Variants in GJC1 observed in about 807,000 individuals in gnomAD.
GJC1 encodes gap junction protein gamma 1.
A neutral mutation model predicts 29.3 loss-of-function variants in GJC1; 5 were observed. The observed-to-expected ratio is 0.17, with a 90% CI of 0.09 to 0.36. GJC1 has a LOEUF of 0.36. Among genes scored for constraint, GJC1 ranks in the 10% least tolerant of loss-of-function variants. GJC1 has a pLI of 1.00. For synonymous variants in GJC1, 177 were observed against 183.3 expected (o/e 0.97, Z 0.28); for missense variants, 310 against 496.2 (o/e 0.62, Z 3.56).
intron 1 of GJC1, among the ~76,000 whole-genome samples, chr17:44,825,331 C>G (rs1316763827): frequency 1.3e-5 from 2 of 151,020 alleles, no homozygotes. Flanking sequence ...CTGTCTCTAC[C>G]AATACAAAAT....
rs1567704905 is a variant in GJC1, at chr17:44,801,840, G to A, written c.*2787C>T. The A allele has an allele frequency of 6.6e-6, 1 of 152,034 alleles. No homozygotes were observed. The highest frequency in any genetic ancestry group is 1.5e-5 in the Non-Finnish European group (1 of 68,042). 9.4% of individuals were successfully genotyped at this position (152,034 alleles called of 1,614,324 possible). On this transcript the variant is annotated 3_prime_UTR_variant, in exon 3 of 3. Coordinates refer to ENST00000592524, the MANE Select transcript of GJC1 (RefSeq NM_005497.4). Reference sequence around the variant, plus strand: ...GTCTGGTCTTGAACTCCTGACCTCAGGTAATCCACCCGCCTGGGCCTCCTA... The same window carrying A: ...GTCTGGTCTTGAACTCCTGACCTCAAGTAATCCACCCGCCTGGGCCTCCTA...
chr17:44,810,793 A>T (rs1230245884), intron 1 of GJC1, among the ~76,000 whole-genome samples: 2 of 150,696 alleles, frequency 1.3e-5, no homozygotes, highest in African/African-American at 4.9e-5. Flanking sequence ...TTTTTTTTTT[A>T]AACAGGGTCT....
Position 44,803,009 on chromosome 17 carries a change from A to G in GJC1, c.*1618T>C, listed in dbSNP as rs1038344077. 2.0e-5 allele frequency: 3 copies of G among 152,232 alleles called. No homozygotes were observed. The highest frequency in any genetic ancestry group is 7.2e-5 in the African/African-American group (3 of 41,456). The allele number at this position is 152,232 out of a possible 1,614,324, so 9.4% of individuals were successfully genotyped here. A position where few individuals can be genotyped will look rare whatever the true frequency, so the allele number is the denominator to read the frequency against. On this transcript the variant is annotated 3_prime_UTR_variant, in exon 3 of 3. Coordinates refer to ENST00000592524, the MANE Select transcript of GJC1 (RefSeq NM_005497.4). ...AAGAGGGAGACCCTGTCTCAAAAAA[A>G]AATTTCCTTAAGTTTCTTTTTTTTG...
rs997845649 is a variant in GJC1, at chr17:44,830,236, T to TGCCGCCGCC, written c.-280_-272dup. 48 of 160,610 alleles carry TGCCGCCGCC rather than the reference T, an allele frequency of 3.0e-4. No homozygotes were observed. The highest frequency in any genetic ancestry group is 8.0e-4 in the African/African-American group (33 of 41,222). The allele number at this position is 160,610 out of a possible 1,614,324, so 9.9% of individuals were successfully genotyped here. On this transcript the variant is annotated 5_prime_UTR_variant, in exon 1 of 3. Coordinates refer to ENST00000592524, the MANE Select transcript of GJC1 (RefSeq NM_005497.4). This position sits in a 1 kb window ranked among gnomAD's most constrained non-coding sequence, Gnocchi z 4.3. ...CCGAGGCAGAAGCCGCTCCCGCCGC[T>TGCCGCCGCC]GCCGCCGCCGCCGCCGCCTCCCGCT...
At chr17:44,797,506 A>G (rs1005803454), downstream of GJC1, 1 of 152,180 alleles carries the variant, frequency 6.6e-6, no homozygotes, top group East Asian at 1.9e-4. Flanking sequence ...AGCACCCGCT[A>G]ACAGCTGCTT....
intron 1 of GJC1, among the ~76,000 whole-genome samples, chr17:44,828,119 T>C (rs941084499): frequency 1.3e-5 from 2 of 152,212 alleles, no homozygotes; most frequent in Non-Finnish European, 2.9e-5. Flanking sequence ...AACACAACCC[T>C]GCATTCCTTC....
chr17:44,795,309 C>T (rs2049776737), downstream of GJC1, among the ~76,000 whole-genome samples: 1 of 152,208 alleles, frequency 6.6e-6, no homozygotes, highest in South Asian at 2.1e-4. Flanking sequence ...CTCACTGCAA[C>T]CTCTGCCCTC....
downstream of GJC1, among the ~76,000 whole-genome samples, chr17:44,795,691 GAC>G (rs1287879365): frequency 6.6e-6 from 1 of 152,248 alleles, no homozygotes; most frequent in African/African-American, 2.4e-5. Context: ...CTGACCCCAA[GAC>G]AGTGTCCAGG....
At chr17:44,812,523 C>CA (rs1454998196) in intron 1 of GJC1, among the ~76,000 whole-genome samples, 4 of 152,046 alleles carry the variant, frequency 2.6e-5, no homozygotes, top group Admixed American at 6.6e-5. Flanking sequence ...CAAACACACA[C>CA]AAAAAAACCC....
At position 44,805,617 on chromosome 17, in the gene GJC1, C is replaced by A; in HGVS notation, c.201G>T (p.Ala67=). 1.2e-6 allele frequency: 2 copies of A among 1,614,140 alleles called. No individual in the cohort carries two copies. The highest frequency in any genetic ancestry group is 8.5e-7 in the Non-Finnish European group (1 of 1,180,012). ...AGCGTACATGGGAGAGAGGTGCAAACGCATCATAACAGACATTCTCACAGC... is the reference window on the plus strand; with the variant it reads ...AGCGTACATGGGAGAGAGGTGCAAAAGCATCATAACAGACATTCTCACAGC... The part of the protein sequence containing the change: ...QPGCENVCYD[A]FAPLSHVRFW... The change falls in exon 3 of 3, where the codon GCG becomes GCT. Residue 67 remains alanine (A), a synonymous_variant. Coordinates refer to ENST00000592524, the MANE Select transcript of GJC1 (RefSeq NM_005497.4). This position sits in a 1 kb window ranked among gnomAD's most constrained non-coding sequence, Gnocchi z 5.1.
intron 1 of GJC1, among the ~76,000 whole-genome samples, chr17:44,823,031 C>T (rs1159264674): frequency 6.6e-6 from 1 of 151,742 alleles, no homozygotes; most frequent in Non-Finnish European, 1.5e-5. Flanking sequence ...TTGAACGTTC[C>T]CAAAAGGAAT....
chr17:44,818,536 T>C (rs987869867), intron 1 of GJC1, among the ~76,000 whole-genome samples: 35 of 147,298 alleles, frequency 2.4e-4, no homozygotes, highest in African/African-American at 8.4e-4. Context: ...CCAGGCATGG[T>C]GGCTCACATC....
intron 1 of GJC1, among the ~76,000 whole-genome samples, chr17:44,817,399 T>C (rs1285187351): frequency 6.6e-6 from 1 of 150,452 alleles, no homozygotes; most frequent in Non-Finnish European, 1.5e-5. Flanking sequence ...TCCCAGTCTT[T>C]AGGATCAGAA....
At chr17:44,797,324 A>T (rs974405872), downstream of GJC1, among the ~76,000 whole-genome samples, 2 of 152,060 alleles carry the variant, frequency 1.3e-5, no homozygotes, top group African/African-American at 4.8e-5. Flanking sequence ...GCCAGAATGG[A>T]CTCAATCTCC....
intron 1 of GJC1, chr17:44,829,692 G>C (rs942671500): frequency 6.6e-6 from 1 of 152,070 alleles, no homozygotes; most frequent in Non-Finnish European, 1.5e-5. Flanking sequence ...CCGGGTAGTT[G>C]TCGGCACCGC....
chr17:44,830,497 G>A, upstream of GJC1: 1 of 395,376 alleles, frequency 2.5e-6, no homozygotes, highest in Non-Finnish European at 4.5e-6. The surrounding 1 kb of genome is among the most constrained non-coding windows in gnomAD (Gnocchi z 4.3). Flanking sequence ...GGAGTCACCC[G>A]CGTGGAGTCT....
At position 44,805,266 on chromosome 17, in the gene GJC1, CCTTGCCAGCAA is replaced by C; in HGVS notation, c.541_551del (p.Leu181AspfsTer4). On this transcript the variant is annotated frameshift_variant, in exon 3 of 3. Transcript: ENST00000592524. LOFTEE classifies it high-confidence loss of function. The surrounding 1 kb of genome is among the most constrained non-coding windows in gnomAD (Gnocchi z 5.1). Reference sequence around the variant, plus strand: ...TCAGAAAACCCACCTCAAACACGGTCCTTGCCAGCAACTGCAGCACATAGATTTTCATGAGC... The same window carrying C: ...TCAGAAAACCCACCTCAAACACGGTCCTGCAGCACATAGATTTTCATGAGC... 6.2e-7 allele frequency: 1 copy of C among 1,614,198 alleles called. No individual in the cohort carries two copies. Among genetic ancestry groups the C allele is most frequent in the Non-Finnish European group, 8.5e-7 (1 of 1,180,046 alleles).
chr17:44,805,926 C>T lies in GJC1; in HGVS notation c.-20-89G>A. On this transcript the variant is annotated intron_variant, in intron 2 of 2. Transcript: ENST00000592524. The surrounding 1 kb of genome is among the most constrained non-coding windows in gnomAD (Gnocchi z 5.1). Reference sequence around the variant, plus strand: ...ATTATGATATCTCTAGGAACTACTGCTTTGAATACTTGAAATCTAACCTCA... The same window carrying T: ...ATTATGATATCTCTAGGAACTACTGTTTTGAATACTTGAAATCTAACCTCA... The T allele has an allele frequency of 1.5e-6, 1 of 650,086 alleles. No homozygotes were observed. The highest frequency in any genetic ancestry group is 2.6e-6 in the Non-Finnish European group (1 of 381,588). 40.3% of individuals were successfully genotyped at this position (650,086 alleles called of 1,614,324 possible).
intron 1 of GJC1, among the ~76,000 whole-genome samples, chr17:44,826,502 C>A (rs968787322): frequency 1.3e-5 from 2 of 150,860 alleles, no homozygotes; most frequent in Non-Finnish European, 2.9e-5. Context: ...TGCACTCCAG[C>A]CTGGGCAATG....
Sources: allele counts gnomAD v4.1 joint callset (sites outside exome capture counted in the v4.1 genomes callset), GRCh38; gene constraint gnomAD v4.1.1; non-coding constraint Gnocchi (gnomAD v3.1); transcripts MANE v1.5; gene names NCBI Gene and HGNC (gene_info 2026-07-23, HGNC 2026-07-21).